Variants in DPRX observed in about 807,000 individuals in gnomAD.
DPRX encodes the protein divergent paired-related homeobox.
In DPRX, 11 loss-of-function variants were observed where a neutral mutation model predicts 8.4. That is an observed-to-expected ratio of 1.31 (90% CI 0.82 to 2.17). The LOEUF is 2.17. Ranked by LOEUF, DPRX falls within the 30% of genes most tolerant of loss-of-function variation. DPRX has a pLI of 0.00. For synonymous variants in DPRX, 72 were observed against 87.0 expected, an observed-to-expected ratio of 0.83 and a Z score of 0.96; for missense variants, 211 against 236.7, an observed-to-expected ratio of 0.89 and a Z score of 0.71.
the DPRX span, among the ~76,000 whole-genome samples, chr19:53,613,041 G>A: frequency 6.6e-6 from 1 of 152,074 alleles, no homozygotes; most frequent in African/African-American, 2.4e-5. Context: ...TAGGTTTTAT[G>A]GCAGGATTTG....
At chr19:53,623,396 T>C in the DPRX span, among the ~76,000 whole-genome samples, 6 of 151,982 alleles carry the variant, frequency 3.9e-5, no homozygotes, top group East Asian at 9.7e-4. Context: ...CCCAGCACTT[T>C]GGGAGGCCGA....
At chr19:53,623,181 C>T in the DPRX span, among the ~76,000 whole-genome samples, 1 of 151,886 alleles carries the variant, frequency 6.6e-6, no homozygotes. Context: ...GTGGCAGGCG[C>T]CTGTAGTCCC....
chr19:53,603,623 G>A, the DPRX span: 4 of 267,528 alleles, frequency 1.5e-5, no homozygotes, highest in Admixed American at 8.6e-5. Flanking sequence ...ATACACCCAC[G>A]GTAGCTCCCA....
the DPRX span, among the ~76,000 whole-genome samples, chr19:53,613,319 G>A: frequency 6.6e-6 from 1 of 152,030 alleles, no homozygotes; most frequent in Non-Finnish European, 1.5e-5. Context: ...GAGGAGGGGG[G>A]AGGTCACTGC....
the DPRX span, among the ~76,000 whole-genome samples, chr19:53,607,291 G>A: frequency 2.6e-5 from 4 of 152,190 alleles, no homozygotes; most frequent in African/African-American, 4.8e-5. Context: ...AGTTGCAATG[G>A]CTCACGCCTA....
the DPRX span, among the ~76,000 whole-genome samples, chr19:53,622,778 A>T: frequency 3.9e-5 from 6 of 152,302 alleles, no homozygotes; most frequent in South Asian, 1.2e-3. Context: ...ACATCACGCC[A>T]GATAAGGTTT....
chr19:53,634,655 G>T, exon 2 of DPRX: 1 of 1,613,896 alleles, frequency 6.2e-7, no homozygotes, highest in Non-Finnish European at 8.5e-7. Context: ...AAATGGCCTC[G>T]AAAATAGACA....
chr19:53,626,175 C>T, the DPRX span, among the ~76,000 whole-genome samples: 436 of 152,178 alleles, frequency 2.9e-3, 2 homozygotes, highest in Non-Finnish European at 4.3e-3. Context: ...TGACCTCAAG[C>T]GATCCACCAG....
At chr19:53,604,699 T>C in the DPRX span, among the ~76,000 whole-genome samples, 970 of 152,016 alleles carry the variant, frequency 6.4e-3, 12 homozygotes, top group African/African-American at 0.021. Context: ...AAAAATTAGC[T>C]GGGTGTGGTA....
the DPRX span, among the ~76,000 whole-genome samples, chr19:53,625,649 T>A: frequency 6.6e-6 from 1 of 151,942 alleles, no homozygotes; most frequent in African/African-American, 2.4e-5. Context: ...ATTCCTTTTT[T>A]TTTTTTGAGA....
chr19:53,604,981 C>T, the DPRX span, among the ~76,000 whole-genome samples: 1 of 152,210 alleles, frequency 6.6e-6, no homozygotes, highest in East Asian at 1.9e-4. Context: ...AAATATCACA[C>T]TGTACCCCAC....
At chr19:53,603,614 TACACCC>T in the DPRX span, 1 of 309,992 alleles carries the variant, frequency 3.2e-6, no homozygotes, top group Non-Finnish European at 6.6e-6. Flanking sequence ...GAGAGCCTAA[TACACCC>T]ACGGTAGCTC....
At chr19:53,622,670 C>T in the DPRX span, among the ~76,000 whole-genome samples, 1 of 152,116 alleles carries the variant, frequency 6.6e-6, no homozygotes, top group Admixed American at 6.6e-5. Context: ...TACCTCATTT[C>T]TCTGCCCAGT....
chr19:53,635,501 C>T lies in DPRX; in HGVS notation c.183+816C>T, dbSNP rs183313184. Among the ~76,000 whole-genome samples, 201 of 152,160 alleles carry T rather than the reference C, an allele frequency of 1.3e-3. 1 individual carries two copies. The highest frequency in any genetic ancestry group is 4.8e-3 in the African/African-American group (198 of 41,514). ...GACTACAGGTGTGTGGTACTACAGC[C>T]TCCCGAGCAGCTGATACTACTGGTG... On this transcript the variant is annotated intron_variant, in intron 2 of 2. Transcript: ENST00000376650.
At chr19:53,602,479 C>T in the DPRX span, among the ~76,000 whole-genome samples, 1 of 151,310 alleles carries the variant, frequency 6.6e-6, no homozygotes, top group African/African-American at 2.4e-5. Flanking sequence ...CCTGCCTCAG[C>T]CTCCCAAGTA....
chr19:53,621,077 C>T, the DPRX span, among the ~76,000 whole-genome samples: 36 of 152,156 alleles, frequency 2.4e-4, no homozygotes, highest in Admixed American at 2.4e-3. Context: ...ATGATATGGA[C>T]ATCTGCTACT....
At chr19:53,601,534 T>A in the DPRX span, among the ~76,000 whole-genome samples, 6 of 146,156 alleles carry the variant, frequency 4.1e-5, no homozygotes, top group Non-Finnish European at 9.0e-5. Context: ...CAGGCTGGAG[T>A]GCAGTGGCGC....
chr19:53,614,711 C>T, the DPRX span, among the ~76,000 whole-genome samples: 2 of 152,024 alleles, frequency 1.3e-5, no homozygotes, highest in Non-Finnish European at 2.9e-5. Flanking sequence ...TAGCTTACCT[C>T]TATGTAATAA....
chr19:53,635,511 G>C (rs2091108719), intron 2 of DPRX, among the ~76,000 whole-genome samples: 1 of 151,914 alleles, frequency 6.6e-6, no homozygotes, highest in Non-Finnish European at 1.5e-5. Flanking sequence ...CTCCCGAGCA[G>C]CTGATACTAC....
Sources: gnomAD v4.1 joint callset for allele counts (sites outside exome capture counted in the v4.1 genomes callset) on GRCh38, gnomAD v4.1.1 for gene constraint, MANE v1.5 for transcripts, NCBI Gene and HGNC (gene_info 2026-07-23, HGNC 2026-07-21) for gene names.